MIER1: variants seen among roughly 807,000 people sequenced by gnomAD.
MIER1 encodes the protein mesoderm induction early response protein 1.
In MIER1, 40 loss-of-function variants were observed where a neutral mutation model predicts 75.7. The observed-to-expected ratio is 0.53, with a 90% confidence interval of 0.41 to 0.69. The LOEUF is 0.69. Among genes scored for constraint, MIER1 ranks in the 30% least tolerant of loss-of-function variants. The pLI, the probability that MIER1 is intolerant of heterozygous loss-of-function variation, is 0.00. For missense variants in MIER1, 574 were observed against 680.2 expected, an observed-to-expected ratio of 0.84 and a Z score of 1.74; for synonymous variants, 213 against 223.4, an observed-to-expected ratio of 0.95 and a Z score of 0.42.
rs780564980 is a variant in MIER1 at position 66,946,140 on chromosome 1, T to C, written c.194-10T>C. On this transcript the variant is annotated splice_polypyrimidine_tract_variant and intron_variant, in intron 3 of 13. Transcript: ENST00000401041. ...TGGTTTACCAAACTTTTTGAAATAT[T>C]CCTTACCAGGAGGTTCAGCAACATC... 6.3e-7 allele frequency: 1 copy of C among 1,594,362 alleles called. No individual in the cohort carries two copies. Among genetic ancestry groups the C allele is most frequent in the Non-Finnish European group, 8.5e-7 (1 of 1,174,994 alleles).
At chr1:66,982,325 T>A (rs1474473040) in intron 13 of MIER1, among the ~76,000 whole-genome samples, 1 of 152,192 alleles carries the variant, frequency 6.6e-6, no homozygotes, top group African/African-American at 2.4e-5. Context: ...CTGTTTTGAA[T>A]ATTTAAGTTC....
intron 4 of MIER1, among the ~76,000 whole-genome samples, chr1:66,948,579 T>C (rs1451484363): frequency 6.6e-6 from 1 of 152,190 alleles, no homozygotes; most frequent in East Asian, 1.9e-4. Flanking sequence ...ATCACAAAAG[T>C]CTTTCAAGAA....
chr1:66,948,356 A>G (rs1204753910), intron 4 of MIER1: 4 of 411,074 alleles, frequency 9.7e-6, no homozygotes, highest in Non-Finnish European at 1.3e-5. Context: ...TTTTATGGTA[A>G]TAAAGACCTA....
intron 7 of MIER1, among the ~76,000 whole-genome samples, chr1:66,961,807 A>G (rs1176643723): frequency 6.6e-6 from 1 of 152,234 alleles, no homozygotes; most frequent in Non-Finnish European, 1.5e-5. Flanking sequence ...AGTAGAAGAC[A>G]TAAAGAGAAT....
intron 7 of MIER1, among the ~76,000 whole-genome samples, chr1:66,961,703 A>G (rs1189468297): frequency 6.6e-6 from 1 of 152,230 alleles, no homozygotes; most frequent in African/African-American, 2.4e-5. Flanking sequence ...GAAGCACCCC[A>G]GCCAGGGTTA....
chr1:66,941,358 T>G (rs1341455744), intron 3 of MIER1, among the ~76,000 whole-genome samples: 1 of 152,238 alleles, frequency 6.6e-6, no homozygotes, highest in African/African-American at 2.4e-5. Context: ...TGGTTAAGAT[T>G]GGGAGTAATC....
intron 8 of MIER1, among the ~76,000 whole-genome samples, chr1:66,966,225 C>T (rs182909323): frequency 2.0e-4 from 31 of 152,232 alleles, no homozygotes; most frequent in South Asian, 1.5e-3. Context: ...GTGATGTTCC[C>T]TTTCCTGTGT....
intron 10 of MIER1, 84 bp downstream of exon 10, chr1:66,971,820 TTAATAA>T (rs1365436080): frequency 1.6e-6 from 1 of 633,466 alleles, no homozygotes; most frequent in Non-Finnish European, 2.7e-6. Flanking sequence ...TAGCCTAAAC[TTAATAA>T]TACTGATTTT....
chr1:66,929,672 A>G (rs1652613773), intron 2 of MIER1, among the ~76,000 whole-genome samples: 2 of 152,240 alleles, frequency 1.3e-5, no homozygotes, highest in Admixed American at 6.5e-5. Context: ...TGCTACCGGC[A>G]TGACAGAAGT....
Position 66,972,976 on chromosome 1 carries a change from G to T in MIER1, c.1086G>T (p.Leu362Phe). The T allele has an allele frequency of 6.3e-7, 1 of 1,596,902 alleles. No homozygotes were observed. Among genetic ancestry groups the T allele is most frequent in the South Asian group, 1.1e-5 (1 of 90,588 alleles). ...AGGCCTATGGAAAGGATTTTCATTTGATTCAGGCTAATAAAGTAAGTAATG... is the reference window on the plus strand; with the variant it reads ...AGGCCTATGGAAAGGATTTTCATTTTATTCAGGCTAATAAAGTAAGTAATG... ...GLKAYGKDFH[L>F]IQANKVRTRS... Residue 362 changes from leucine to phenylalanine, a missense_variant, in exon 11 of 14, where the codon TTG becomes TTT. Coordinates refer to ENST00000401041, the MANE Select transcript of MIER1 (RefSeq NM_001077700.3).
At chr1:66,942,466 T>C (rs779482466) in intron 3 of MIER1, among the ~76,000 whole-genome samples, 8 of 152,202 alleles carry the variant, frequency 5.3e-5, no homozygotes, top group Non-Finnish European at 1.2e-4. Flanking sequence ...TTTGAAAAGA[T>C]GTAAGGTACC....
chr1:66,948,367 T>C (rs1396877818), intron 4 of MIER1: 1 of 366,542 alleles, frequency 2.7e-6, no homozygotes, highest in African/African-American at 2.2e-5. Context: ...TAAAGACCTA[T>C]GTCTCATAAT....
intron 12 of MIER1, 75 bp downstream of exon 12, chr1:66,976,797 T>C: frequency 1.6e-6 from 2 of 1,266,782 alleles, no homozygotes; most frequent in Non-Finnish European, 2.1e-6. Context: ...GAGTTAATTA[T>C]TATTTTGATA....
chr1:66,957,636 C>T (rs1462259675), intron 4 of MIER1, among the ~76,000 whole-genome samples: 1 of 78,994 alleles, frequency 1.3e-5, no homozygotes, highest in Non-Finnish European at 2.3e-5. Context: ...TCTGAATTTT[C>T]GTCTGCCTTT....
At chr1:66,967,963 T>A (rs1662766825) in intron 8 of MIER1, among the ~76,000 whole-genome samples, 1 of 152,214 alleles carries the variant, frequency 6.6e-6, no homozygotes, top group Admixed American at 6.5e-5. Flanking sequence ...GACTTCTTCC[T>A]TTCTAATTTG....
chr1:66,948,273 A>G (rs867953918), intron 4 of MIER1: 1 of 901,878 alleles, frequency 1.1e-6, no homozygotes, highest in African/African-American at 1.8e-5. Flanking sequence ...TAAAAAGAAC[A>G]TAAGAAATAA....
chr1:66,958,755 CT>C, intron 5 of MIER1, 95 bp from the exon 6 acceptor site: 1 of 979,664 alleles, frequency 1.0e-6, no homozygotes, highest in East Asian at 2.5e-5. Context: ...TCATTTTAGT[CT>C]TCTGCATATA....
chr1:66,964,448 C>CTTTTTTTTTTTTTTTT (rs71058483), intron 8 of MIER1, among the ~76,000 whole-genome samples: 10 of 119,800 alleles, frequency 8.3e-5, no homozygotes, highest in African/African-American at 3.2e-4. Flanking sequence ...TGTATGTTTC[C>CTTTTTTTTTTTTTTTT]TTTTTTTTTT....
intron 13 of MIER1, among the ~76,000 whole-genome samples, chr1:66,982,486 G>A (rs748271909): frequency 6.6e-6 from 1 of 152,196 alleles, no homozygotes; most frequent in Non-Finnish European, 1.5e-5. Flanking sequence ...TAGTGTTTCC[G>A]TTTAAAATAT....
Sources: gnomAD v4.1 joint callset for allele counts (sites outside exome capture counted in the v4.1 genomes callset) on GRCh38, gnomAD v4.1.1 for gene constraint, MANE v1.5 for transcripts, NCBI Gene and HGNC (gene_info 2026-07-23, HGNC 2026-07-21) for gene names.